KPNA3: variants seen among roughly 807,000 people sequenced by gnomAD.
KPNA3 encodes importin subunit alpha-4.
A neutral mutation model predicts 73.8 loss-of-function variants in KPNA3; 13 were observed. The observed-to-expected ratio is 0.18, with a 90% CI of 0.11 to 0.28. KPNA3 has a LOEUF of 0.28. Ranked by LOEUF, KPNA3 falls within the 10% of genes least tolerant of loss-of-function variation. The pLI is 1.00. For missense variants in KPNA3, 360 were observed against 618.1 expected (o/e 0.58, Z 4.43); for synonymous variants, 186 against 206.9 (o/e 0.90, Z 0.87).
At position 49,701,675 on chromosome 13, in the gene KPNA3, T is replaced by C. The variant is rs1954149104; in HGVS notation, c.*125A>G. ...AAAGTGACTGAGACATGGCTTGCTT[T>C]AGAAGCATCAAAACAAAGAGGCATG... On this transcript the variant is annotated 3_prime_UTR_variant, in exon 17 of 17. Coordinates refer to ENST00000261667, the MANE Select transcript of KPNA3 (RefSeq NM_002267.4). 1.3e-6 allele frequency: 1 copy of C among 780,560 alleles called. No homozygotes were observed. Among genetic ancestry groups the C allele is most frequent in the East Asian group, 2.4e-5 (1 of 40,866 alleles). 48.4% of individuals were successfully genotyped at this position (780,560 alleles called of 1,614,324 possible). A position where few individuals can be genotyped will look rare whatever the true frequency, so the allele number is the denominator to read the frequency against.
intron 6 of KPNA3, 101 bp from the exon 7 acceptor site, chr13:49,725,602 G>C: frequency 1.5e-6 from 1 of 654,224 alleles, no homozygotes; most frequent in African/African-American, 1.9e-5. Flanking sequence ...CCTTGTCCTT[G>C]AATTTCACCT....
intron 1 of KPNA3, among the ~76,000 whole-genome samples, chr13:49,757,593 G>A (rs1954722394): frequency 6.6e-6 from 1 of 152,038 alleles, no homozygotes; most frequent in South Asian, 2.1e-4. Context: ...AATGTAAAAT[G>A]ACAGCACCTT....
At chr13:49,749,906 C>G (rs116381202) in intron 1 of KPNA3, among the ~76,000 whole-genome samples, 2,598 of 152,244 alleles carry the variant, frequency 0.017, 60 homozygotes, top group African/African-American at 0.059. Flanking sequence ...TCATGACTTA[C>G]TATGCTCTTT....
At chr13:49,754,828 A>G (rs1372688498) in intron 1 of KPNA3, among the ~76,000 whole-genome samples, 2 of 152,154 alleles carry the variant, frequency 1.3e-5, no homozygotes, top group Non-Finnish European at 2.9e-5. Flanking sequence ...CACCTCACTC[A>G]ATATGAAATA....
chr13:49,771,824 T>C (rs1211733101), intron 1 of KPNA3, among the ~76,000 whole-genome samples: 1 of 152,020 alleles, frequency 6.6e-6, no homozygotes, highest in Non-Finnish European at 1.5e-5. Flanking sequence ...TAGCTAATTT[T>C]GGTATTTTTT....
chr13:49,712,555 G>T (rs552919450), intron 10 of KPNA3, among the ~76,000 whole-genome samples: 2 of 151,026 alleles, frequency 1.3e-5, no homozygotes, highest in South Asian at 2.1e-4. Flanking sequence ...AATAACAATA[G>T]ATCTAATATT....
Position 49,732,345 on chromosome 13 carries a change from G to A in KPNA3, c.383+26C>T, listed in dbSNP as rs1488975963. ...ACTTTTAAGTTAACTGAAAAAAACT[G>A]AATAGGGAGTAAAATCCATACTTAC... is the stretch of plus-strand genomic sequence containing the variant. On this transcript the variant is annotated intron_variant, in intron 6 of 16. Coordinates refer to ENST00000261667, the MANE Select transcript of KPNA3 (RefSeq NM_002267.4). 1.7e-5 allele frequency: 21 copies of A among 1,219,436 alleles called. 1 individual carries two copies. Among genetic ancestry groups the A allele is most frequent in the Non-Finnish European group, 2.2e-5 (19 of 851,706 alleles). 75.5% of individuals were successfully genotyped at this position (1,219,436 alleles called of 1,614,324 possible).
chr13:49,705,516 A>G, intron 15 of KPNA3, 105 bp downstream of exon 15: 2 of 1,162,132 alleles, frequency 1.7e-6, no homozygotes, highest in Non-Finnish European at 2.5e-6. Context: ...GATCATTTAA[A>G]AACAACGTAT....
chr13:49,707,711 AT>A (rs1233299280), intron 12 of KPNA3, among the ~76,000 whole-genome samples: 3 of 151,006 alleles, frequency 2.0e-5, no homozygotes, highest in African/African-American at 7.3e-5. Context: ...AAAAAAAAAA[AT>A]CACCTATATT....
intron 2 of KPNA3, among the ~76,000 whole-genome samples, chr13:49,739,886 A>C (rs1274366034): frequency 2.6e-5 from 4 of 152,148 alleles, no homozygotes; most frequent in African/African-American, 9.7e-5. Flanking sequence ...AAGTTGACAA[A>C]AATTCTATAT....
intron 1 of KPNA3, among the ~76,000 whole-genome samples, chr13:49,759,964 C>T (rs573574698): frequency 6.6e-6 from 1 of 152,234 alleles, no homozygotes; most frequent in Admixed American, 6.5e-5. Context: ...CAGAAAGAGA[C>T]AGCCAGACAC....
chr13:49,712,166 A>G (rs1335837644), intron 10 of KPNA3, among the ~76,000 whole-genome samples: 1 of 152,188 alleles, frequency 6.6e-6, no homozygotes, highest in East Asian at 1.9e-4. Context: ...AGATTTACCT[A>G]GAAACAGGGG....
chr13:49,777,018 T>C (rs1203563733), intron 1 of KPNA3, among the ~76,000 whole-genome samples: 1 of 152,246 alleles, frequency 6.6e-6, no homozygotes, highest in African/African-American at 2.4e-5. Context: ...ATCTCTACAA[T>C]CTGTAGCCCA....
chr13:49,792,574 GGGAGGGGGA>G lies in KPNA3; in HGVS notation c.-77_-69del, dbSNP rs1342173552. ...CGGCGGCGGCGGCGAATCTTGGAGC[GGGAGGGGGA>G]GGAGGGGGAGAGCGGGAGGGGGGAG... On this transcript the variant is annotated 5_prime_UTR_variant, in exon 1 of 17. Coordinates refer to ENST00000261667, the MANE Select transcript of KPNA3 (RefSeq NM_002267.4). The G allele has an allele frequency of 2.6e-5, 25 of 961,242 alleles. No individual in the cohort carries two copies. Among genetic ancestry groups the G allele is most frequent in the South Asian group, 4.1e-5 (3 of 72,642 alleles). 59.5% of individuals were successfully genotyped at this position (961,242 alleles called of 1,614,324 possible). A position where few individuals can be genotyped will look rare whatever the true frequency, so the allele number is the denominator to read the frequency against.
At chr13:49,721,013 G>C (rs1954351250) in intron 9 of KPNA3, among the ~76,000 whole-genome samples, 1 of 152,162 alleles carries the variant, frequency 6.6e-6, no homozygotes, top group East Asian at 1.9e-4. Context: ...CAGGTCAGGA[G>C]TTTGAGACCA....
chr13:49,754,130 C>G (rs1465682753), intron 1 of KPNA3, among the ~76,000 whole-genome samples: 1 of 152,070 alleles, frequency 6.6e-6, no homozygotes, highest in Non-Finnish European at 1.5e-5. Context: ...AGCCTCATCT[C>G]TACTAAAAAT....
At chr13:49,706,031 G>A in intron 14 of KPNA3, 67 bp downstream of exon 14, 5 of 1,391,584 alleles carry the variant, frequency 3.6e-6, no homozygotes, top group Middle Eastern at 1.8e-4. Flanking sequence ...CAGCAACTAC[G>A]AAACATAAGA....
Position 49,701,735 on chromosome 13 carries a change from T to C in KPNA3, c.*65A>G. 1.0e-6 allele frequency: 1 copy of C among 970,498 alleles called. No homozygotes were observed. Among genetic ancestry groups the C allele is most frequent in the Admixed American group, 1.7e-5 (1 of 58,622 alleles). 60.1% of individuals were successfully genotyped at this position (970,498 alleles called of 1,614,324 possible). A position where few individuals can be genotyped will look rare whatever the true frequency, so the allele number is the denominator to read the frequency against. On this transcript the variant is annotated 3_prime_UTR_variant, in exon 17 of 17. Coordinates refer to ENST00000261667, the MANE Select transcript of KPNA3 (RefSeq NM_002267.4). ...GAGCCTTTTGTTGCTGTTGTTCTTA[T>C]CATTTGGTAGCCATCTGGTGGTGCT...
At chr13:49,712,077 C>T (rs577218973) in intron 10 of KPNA3, among the ~76,000 whole-genome samples, 1 of 152,258 alleles carries the variant, frequency 6.6e-6, no homozygotes, top group East Asian at 1.9e-4. Flanking sequence ...GTGAGGAGGC[C>T]TCCCTGCTGG....
Sources: allele counts gnomAD v4.1 joint callset (sites outside exome capture counted in the v4.1 genomes callset), GRCh38; gene constraint gnomAD v4.1.1; transcripts MANE v1.5; gene names NCBI Gene and HGNC (gene_info 2026-07-23, HGNC 2026-07-21).